Variants in IQGAP1 observed in about 807,000 individuals in gnomAD.
IQGAP1 encodes the protein ras GTPase-activating-like protein IQGAP1.
IQGAP1 carries 66 observed loss-of-function variants against 215.6 expected under a neutral mutation model. The observed-to-expected ratio is 0.31, with a 90% CI of 0.25 to 0.38. The LOEUF is 0.38. Ranked by LOEUF, IQGAP1 falls within the 10% of genes least tolerant of loss-of-function variation. The pLI is 1.00. For missense variants in IQGAP1, 1,712 were observed against 1,997.1 expected (o/e 0.86, Z 2.72); for synonymous variants, 772 against 728.7 (o/e 1.06, Z -0.96).
At chr15:90,399,284 T>A (rs1964772567) in intron 2 of IQGAP1, among the ~76,000 whole-genome samples, 1 of 152,180 alleles carries the variant, frequency 6.6e-6, no homozygotes, top group African/African-American at 2.4e-5. Flanking sequence ...TCAGTGGCCA[T>A]CTAATGTTCA....
intron 2 of IQGAP1, chr15:90,391,929 TA>T (rs1964641539): frequency 6.6e-6 from 1 of 152,202 alleles, no homozygotes; most frequent in African/African-American, 2.4e-5. Flanking sequence ...GTGGTGCTAA[TA>T]AACAAGTGTG....
chr15:90,485,263 C>T (rs917098965), intron 30 of IQGAP1, among the ~76,000 whole-genome samples: 2 of 152,164 alleles, frequency 1.3e-5, no homozygotes, highest in African/African-American at 2.4e-5. Context: ...TTGAGTGCCC[C>T]TACAATAATT....
chr15:90,407,151 A>G (rs1489354662), intron 2 of IQGAP1, among the ~76,000 whole-genome samples: 5 of 152,212 alleles, frequency 3.3e-5, no homozygotes, highest in South Asian at 2.1e-4. Flanking sequence ...ACCACTCCCA[A>G]TCAGTGGGTG....
intron 2 of IQGAP1, among the ~76,000 whole-genome samples, chr15:90,414,877 G>GGCTTT (rs1965022564): frequency 6.6e-6 from 1 of 152,012 alleles, no homozygotes; most frequent in Non-Finnish European, 1.5e-5. Flanking sequence ...CATCCTCTCC[G>GGCTTT]GCTTTTGTGG....
Position 90,486,998 on chromosome 15 carries a change from G to A in IQGAP1, c.4069G>A (p.Ala1357Thr). Residue 1357 changes from alanine (A) to threonine (T), a missense_variant, in exon 32 of 38, where the codon GCT becomes ACT. Around this residue, in one of 2 missense-constraint regions of IQGAP1, gnomAD observed 691 missense variants for 923.0 expected, o/e 0.75. Transcript: ENST00000268182. ...AAATGACCCAAATAAGGAGGCACTG[G>A]CTAAGACGGAAGTGTCTCTCACCCT... ...NLNDPNKEAL[A>T]KTEVSLTLTN... is the part of the protein sequence containing the mutation. 1.2e-6 allele frequency: 2 copies of A among 1,614,022 alleles called. No homozygotes were observed. The highest frequency in any genetic ancestry group is 1.7e-6 in the Non-Finnish European group (2 of 1,179,930).
At chr15:90,444,647 C>T (rs567680402) in intron 9 of IQGAP1, among the ~76,000 whole-genome samples, 1 of 152,252 alleles carries the variant, frequency 6.6e-6, no homozygotes, top group South Asian at 2.1e-4. Context: ...ATATGTGTTA[C>T]TTTTGGGAAA....
chr15:90,438,230 G>A (rs1477215286), intron 5 of IQGAP1, among the ~76,000 whole-genome samples: 1 of 151,992 alleles, frequency 6.6e-6, no homozygotes, highest in Non-Finnish European at 1.5e-5. Context: ...TCAATATCTT[G>A]CTTTTGTCAG....
intron 37 of IQGAP1, among the ~76,000 whole-genome samples, chr15:90,497,854 A>G (rs1966292418): frequency 6.6e-6 from 1 of 152,206 alleles, no homozygotes. Context: ...TGATTTTTAC[A>G]CGTTAAAAAA....
chr15:90,494,574 G>T, intron 35 of IQGAP1, 139 bp from the exon 36 acceptor site: 2 of 574,206 alleles, frequency 3.5e-6, no homozygotes, highest in Non-Finnish European at 6.0e-6. Flanking sequence ...TCTAACATTT[G>T]TTTGCCATTT....
intron 11 of IQGAP1, among the ~76,000 whole-genome samples, chr15:90,452,457 G>C (rs551471132): frequency 6.6e-6 from 1 of 152,362 alleles, no homozygotes; most frequent in Admixed American, 6.5e-5. Flanking sequence ...AAGCCAGGCA[G>C]TAGGAGAAGG....
chr15:90,444,280 TATATATA>T (rs1220657185), intron 9 of IQGAP1, among the ~76,000 whole-genome samples: 2 of 74,160 alleles, frequency 2.7e-5, no homozygotes, highest in African/African-American at 2.7e-4. Flanking sequence ...TGTGTGTGTG[TATATATA>T]TATTTTTTTT....
intron 18 of IQGAP1, among the ~76,000 whole-genome samples, chr15:90,468,008 G>A (rs1331458669): frequency 2.6e-5 from 4 of 151,684 alleles, no homozygotes; most frequent in Admixed American, 2.6e-4. Flanking sequence ...TTCATCTTCT[G>A]TGTCTTTGTG....
At chr15:90,489,327 G>A (rs919514653) in intron 33 of IQGAP1, among the ~76,000 whole-genome samples, 9 of 151,796 alleles carry the variant, frequency 5.9e-5, no homozygotes, top group Non-Finnish European at 1.3e-4. Flanking sequence ...AGGATTTCAC[G>A]ATGTTGGCCA....
At position 90,452,790 on chromosome 15, in the gene IQGAP1, C is replaced by T. The variant is rs540931925; in HGVS notation, c.1178C>T (p.Ala393Val). Reference protein sequence around the residue: ...QQYQRRLAAVALINAAIQKGV... With the variant: ...QQYQRRLAAVVLINAAIQKGV... ...TTTTACACAGGATTGGCAGCAGTAG[C>T]ACTGATTAATGCTGCAATCCAGAAG... Residue 393 changes from alanine to valine, a missense_variant, in exon 12 of 38, where the codon GCA (alanine) becomes GTA (valine). Transcript: ENST00000268182. 2.0e-5 allele frequency: 33 copies of T among 1,614,092 alleles called. No homozygotes were observed. The South Asian group carries it at 3.5e-4, about 17-fold the overall frequency.
At chr15:90,446,123 C>G (rs1455299867) in intron 9 of IQGAP1, among the ~76,000 whole-genome samples, 3 of 152,250 alleles carry the variant, frequency 2.0e-5, no homozygotes, top group Non-Finnish European at 4.4e-5. Flanking sequence ...GGTTGGTTCT[C>G]TGTGAGAAGA....
At chr15:90,468,972 C>G (rs1389571293) in intron 18 of IQGAP1, among the ~76,000 whole-genome samples, 4 of 152,192 alleles carry the variant, frequency 2.6e-5, no homozygotes, top group African/African-American at 9.7e-5. Flanking sequence ...GGTATTCATT[C>G]AGAATTTAAT....
intron 29 of IQGAP1, 28 bp from the exon 30 acceptor site, chr15:90,484,192 G>T (rs1346865903): frequency 3.7e-6 from 6 of 1,602,638 alleles, no homozygotes; most frequent in Non-Finnish European, 5.1e-6. Flanking sequence ...GTCCCTTTTT[G>T]GGGGGCTGCC....
Position 90,397,463 on chromosome 15 carries a change from G to A in IQGAP1, c.155+6590G>A, listed in dbSNP as rs111660927. Among the ~76,000 whole-genome samples, 7 of 150,020 alleles carry A rather than the reference G, an allele frequency of 4.7e-5. 1 individual carries two copies. The highest frequency in any genetic ancestry group is 9.8e-5 in the African/African-American group (4 of 40,732). On this transcript the variant is annotated intron_variant, in intron 2 of 37. Transcript: ENST00000268182. ...GCTATGCATCTTACAGAGCTGCTGT[G>A]ATGGTTAATTGCTTGGCACAGTGAA...
At chr15:90,477,316 C>G in intron 25 of IQGAP1, 86 bp downstream of exon 25, 1 of 1,102,840 alleles carries the variant, frequency 9.1e-7, no homozygotes, top group Non-Finnish European at 1.3e-6. Context: ...CTGATCTTTT[C>G]TTGATCTCAA....
Sources: allele counts gnomAD v4.1 joint callset (sites outside exome capture counted in the v4.1 genomes callset), GRCh38; gene constraint gnomAD v4.1.1; regional missense constraint gnomAD v4.1.1; transcripts MANE v1.5; gene names NCBI Gene and HGNC (gene_info 2026-07-23, HGNC 2026-07-21).